Variants in COL10A1 observed in about 807,000 individuals in gnomAD.
COL10A1 encodes collagen alpha-1(X) chain.
In COL10A1, 10 loss-of-function variants were observed where a neutral mutation model predicts 18.2. The observed-to-expected ratio is 0.55, with a 90% CI of 0.34 to 0.93. The LOEUF is 0.93. COL10A1 is among the 40% of genes least tolerant of loss of function. COL10A1 has a pLI of 0.02. For synonymous variants in COL10A1, 330 were observed against 316.6 expected (o/e 1.04, Z -0.45); for missense variants, 897 against 853.5 (o/e 1.05, Z -0.64).
Position 116,120,856 on chromosome 6 carries a change from G to C in COL10A1, c.1260C>G (p.Leu420=). The C allele has an allele frequency of 6.2e-7, 1 of 1,613,986 alleles. No individual in the cohort carries two copies. The highest frequency in any genetic ancestry group is 8.5e-7 in the Non-Finnish European group (1 of 1,179,940). Residue 420 remains leucine (L), a synonymous_variant, in exon 3 of 3, where the codon CTC becomes CTG. Coordinates refer to ENST00000651968, the MANE Select transcript of COL10A1 (RefSeq NM_000493.4). ...GDPGVGGPPG[L]PGPVGPAGAK... ...CTCCTGCTGGGCCCACAGGGCCTGG[G>C]AGACCAGGAGGTCCTCCAACTCCAG... is the stretch of plus-strand genomic sequence containing the variant.
At chr6:116,124,448 T>G (rs191650119) in intron 2 of COL10A1, among the ~76,000 whole-genome samples, 1 of 152,246 alleles carries the variant, frequency 6.6e-6, no homozygotes, top group African/African-American at 2.4e-5. Flanking sequence ...ACATATATTA[T>G]CTCAGTAATC....
the COL10A1 span, among the ~76,000 whole-genome samples, chr6:116,187,610 G>A: frequency 6.6e-6 from 1 of 152,108 alleles, no homozygotes; most frequent in Non-Finnish European, 1.5e-5. Flanking sequence ...CAGCAGAGCA[G>A]TGGGGAAAGG....
Position 116,120,407 on chromosome 6 carries a change from G to A in COL10A1, c.1709C>T (p.Pro570Leu). 6.2e-7 allele frequency: 1 copy of A among 1,614,250 alleles called. No homozygotes were observed. The highest frequency in any genetic ancestry group is 8.5e-7 in the Non-Finnish European group (1 of 1,180,042). Residue 570 changes from proline to leucine, a missense_variant, in exon 3 of 3, where the codon CCA becomes CTA. Pro to Leu is a moderately conservative substitution (Grantham distance 98). Transcript: ENST00000651968. Reference protein sequence around the residue: ...KAYPAIGTPIPFDKILYNRQQ... With the variant: ...KAYPAIGTPILFDKILYNRQQ... ...CCTGTTATACAAAATTTTATCAAAT[G>A]GTATGGGAGTTCCTATTGCTGGGTA...
chr6:116,207,681 G>C, the COL10A1 span, among the ~76,000 whole-genome samples: 1 of 151,906 alleles, frequency 6.6e-6, no homozygotes, highest in Non-Finnish European at 1.5e-5. Flanking sequence ...GAGGAATTTA[G>C]ATGGTTAAAA....
At position 116,118,986 on chromosome 6, in the gene COL10A1, A is replaced by G. The variant is rs904464772; in HGVS notation, c.*1087T>C. The G allele has an allele frequency of 6.6e-6, 1 of 152,558 alleles. No individual in the cohort carries two copies. The allele number at this position is 152,558 out of a possible 1,614,324, so 9.5% of individuals were successfully genotyped here. A position where few individuals can be genotyped will look rare whatever the true frequency, so the allele number is the denominator to read the frequency against. On this transcript the variant is annotated 3_prime_UTR_variant, in exon 3 of 3. Transcript: ENST00000651968. ...GAAAAGCCTTGAAAGAATGGTTGAG[A>G]ACAGCAAATTGCTGCTTTCAAATTA...
the COL10A1 span, among the ~76,000 whole-genome samples, chr6:116,192,352 G>C: frequency 1.3e-5 from 2 of 151,928 alleles, no homozygotes; most frequent in South Asian, 4.1e-4. Flanking sequence ...CATTATTTCC[G>C]TTTTGGGTAT....
rs1028743217 is a variant in COL10A1, at chr6:116,121,856, C to G, written c.260G>C (p.Ser87Thr). ...SGPPGKPGYG[S>T]PGLQGEPGLP... ...CCCTGGCTCTCCTTGGAGTCCAGGA[C>G]TTCCGTAGCCTGGTTTTCCTGGTGG... is the stretch of plus-strand genomic sequence containing the variant. Residue 87 changes from serine (S) to threonine (T), a missense_variant, in exon 3 of 3, where the codon AGT becomes ACT. By Grantham distance (58) the Ser-to-Thr change is moderately conservative. Transcript: ENST00000651968. The G allele has an allele frequency of 1.2e-6, 2 of 1,614,042 alleles. No individual in the cohort carries two copies. Among genetic ancestry groups the G allele is most frequent in the African/African-American group, 1.3e-5 (1 of 75,010 alleles).
the COL10A1 span, among the ~76,000 whole-genome samples, chr6:116,181,501 C>T: frequency 6.6e-6 from 1 of 151,972 alleles, no homozygotes; most frequent in African/African-American, 2.4e-5. Context: ...TAGAAAAGAA[C>T]TTCTTTAATC....
chr6:116,171,177 G>T, the COL10A1 span, among the ~76,000 whole-genome samples: 1 of 151,950 alleles, frequency 6.6e-6, no homozygotes, highest in East Asian at 1.9e-4. Context: ...AAGGTTAAAT[G>T]ACCCACTTAT....
chr6:116,184,244 T>C, the COL10A1 span, among the ~76,000 whole-genome samples: 6 of 152,122 alleles, frequency 3.9e-5, no homozygotes, highest in African/African-American at 9.6e-5. Context: ...GTCCCTCATA[T>C]GAAACCCACT....
intron 1 of COL10A1, among the ~76,000 whole-genome samples, chr6:116,135,227 G>A (rs1051475484): frequency 1.3e-5 from 2 of 152,042 alleles, no homozygotes. Flanking sequence ...CCTTAAAGGG[G>A]GAAGATGTTA....
intron 2 of COL10A1, among the ~76,000 whole-genome samples, 190 bp from the exon 3 acceptor site, chr6:116,122,151 T>G (rs1014632281): frequency 3.9e-5 from 6 of 152,334 alleles, no homozygotes; most frequent in Admixed American, 1.3e-4. Flanking sequence ...CTGGAGAAGA[T>G]GGTTTCACAA....
chr6:116,194,811 C>G, the COL10A1 span, among the ~76,000 whole-genome samples: 1 of 151,960 alleles, frequency 6.6e-6, no homozygotes, highest in South Asian at 2.1e-4. Flanking sequence ...AGGTATGGAG[C>G]TAGAACCTAT....
At chr6:116,170,309 T>C in the COL10A1 span, among the ~76,000 whole-genome samples, 1 of 152,166 alleles carries the variant, frequency 6.6e-6, no homozygotes, top group African/African-American at 2.4e-5. Flanking sequence ...ATATGTACTT[T>C]TTTTTTAATT....
At chr6:116,148,779 G>A (rs1779960025) in intron 1 of COL10A1, among the ~76,000 whole-genome samples, 1 of 152,094 alleles carries the variant, frequency 6.6e-6, no homozygotes, top group Non-Finnish European at 1.5e-5. Flanking sequence ...TGAGTGTACT[G>A]ACTTTTTAAA....
chr6:116,156,016 C>T (rs367702624), intron 1 of COL10A1, among the ~76,000 whole-genome samples: 7 of 152,220 alleles, frequency 4.6e-5, no homozygotes, highest in African/African-American at 1.7e-4. Flanking sequence ...TCAAGAGTAG[C>T]TTTTATCTCC....
chr6:116,186,259 C>T, the COL10A1 span, among the ~76,000 whole-genome samples: 5 of 151,658 alleles, frequency 3.3e-5, no homozygotes, highest in African/African-American at 1.2e-4. Context: ...GATAGGTTTT[C>T]CTTTAAAAGT....
Position 116,121,377 on chromosome 6 carries a change from C to CA in COL10A1, c.738dup (p.Gly247TrpfsTer108), listed in dbSNP as rs1268725580. ...GGAGGGCCTTGGGGACCTGGTGGGCCAATTGGTCCCATTTCTCCCGGAAAA... is the reference window on the plus strand; with the variant it reads ...GGAGGGCCTTGGGGACCTGGTGGGCCAAATTGGTCCCATTTCTCCCGGAAAA... On this transcript the variant is annotated frameshift_variant, in exon 3 of 3. Coordinates refer to ENST00000651968, the MANE Select transcript of COL10A1 (RefSeq NM_000493.4). LOFTEE classifies it low-confidence loss of function (END_TRUNC). 1 of 1,614,020 alleles carries CA rather than the reference C, an allele frequency of 6.2e-7. No homozygotes were observed. Among genetic ancestry groups the CA allele is most frequent in the East Asian group, 2.2e-5 (1 of 44,870 alleles).
the COL10A1 span, among the ~76,000 whole-genome samples, chr6:116,192,613 G>C: frequency 6.6e-6 from 1 of 151,938 alleles, no homozygotes; most frequent in African/African-American, 2.4e-5. Flanking sequence ...GTACATTAAG[G>C]AATGTTTACT....
Sources: allele counts gnomAD v4.1 joint callset (sites outside exome capture counted in the v4.1 genomes callset), GRCh38; gene constraint gnomAD v4.1.1; transcripts MANE v1.5; gene names NCBI Gene and HGNC (gene_info 2026-07-23, HGNC 2026-07-21).